Variants in CDH12 observed in about 807,000 individuals in gnomAD.
CDH12 encodes cadherin 12.
Under a neutral mutation model 74.1 loss-of-function variants are expected in CDH12, and 41 were observed. The ratio of observed to expected loss-of-function variants is 0.55; its 90% CI spans 0.43 to 0.72. CDH12 has a LOEUF of 0.72. Ranked by LOEUF, CDH12 falls within the 30% of genes least tolerant of loss-of-function variation. The probability of loss-of-function intolerance (pLI) is 0.00; values close to 1 mark genes in which losing one functional copy is unlikely to be tolerated. For synonymous variants in CDH12, 399 were observed against 355.0 expected (o/e 1.12, Z -1.39); for missense variants, 945 against 977.2 (o/e 0.97, Z 0.44).
chr5:22,726,012 G>C (rs567608225), intron 1 of CDH12, among the ~76,000 whole-genome samples: 1 of 151,788 alleles, frequency 6.6e-6, no homozygotes, highest in East Asian at 1.9e-4. Flanking sequence ...TTGCACCAGA[G>C]TGGCACATAC....
chr5:22,574,073 C>CTTTTTTT (rs543910610), intron 1 of CDH12, among the ~76,000 whole-genome samples: 121 of 87,452 alleles, frequency 1.4e-3, no homozygotes, highest in Non-Finnish European at 1.6e-3. Context: ...GTCTCTCTCT[C>CTTTTTTT]TTTTTTTTTT....
chr5:22,638,477 T>C (rs1225223513), intron 1 of CDH12, among the ~76,000 whole-genome samples: 1 of 151,914 alleles, frequency 6.6e-6, no homozygotes, highest in Non-Finnish European at 1.5e-5. Flanking sequence ...CCTTCCAAGT[T>C]CCCCCGCCTG....
At chr5:22,134,349 C>G (rs1427434200) in intron 4 of CDH12, among the ~76,000 whole-genome samples, 1 of 152,030 alleles carries the variant, frequency 6.6e-6, no homozygotes, top group Non-Finnish European at 1.5e-5. Context: ...ACTTCACTGG[C>G]AGGTCTCATT....
chr5:21,872,783 GATCTATCT>G (rs60717134), intron 6 of CDH12, among the ~76,000 whole-genome samples: 20,781 of 141,856 alleles, frequency 0.15, 1,699 homozygotes, highest in African/African-American at 0.21. Flanking sequence ...TTAAGAGTAA[GATCTATCT>G]ATCTATCTAT....
At chr5:22,135,011 C>T (rs1422365949) in intron 4 of CDH12, among the ~76,000 whole-genome samples, 2 of 151,922 alleles carry the variant, frequency 1.3e-5, no homozygotes, top group Admixed American at 6.6e-5. Flanking sequence ...TCATAAATTG[C>T]TCAATTGAGG....
At chr5:22,764,171 T>C (rs1463373062) in intron 1 of CDH12, among the ~76,000 whole-genome samples, 2 of 151,904 alleles carry the variant, frequency 1.3e-5, no homozygotes, top group African/African-American at 4.8e-5. Flanking sequence ...GATTCTTTAA[T>C]TGTTTTGATT....
intron 5 of CDH12, among the ~76,000 whole-genome samples, chr5:22,030,061 A>C: frequency 6.7e-6 from 1 of 148,590 alleles, no homozygotes; most frequent in Non-Finnish European, 1.5e-5. Context: ...GGAACTGAAC[A>C]ATGAGAACAC....
Position 22,041,702 on chromosome 5 carries a change from A to G in CDH12, c.231+36744T>C, listed in dbSNP as rs149035250. Among the ~76,000 whole-genome samples, 6 of 152,272 alleles carry G rather than the reference A, an allele frequency of 3.9e-5. No individual in the cohort carries two copies. In the East Asian group the frequency reaches 1.2e-3, roughly 29 times the overall value. On this transcript the variant is annotated intron_variant, in intron 5 of 14. Transcript: ENST00000382254. ...GGGAATAAAGGGAGAAATAGACAAC[A>G]ATAATATTAAAGGCCTTCAATACTC...
At chr5:22,851,130 C>T (rs1183240439) in intron 1 of CDH12, among the ~76,000 whole-genome samples, 2 of 152,070 alleles carry the variant, frequency 1.3e-5, no homozygotes, top group Non-Finnish European at 2.9e-5. Context: ...AAACTAAACA[C>T]TGTTTGTACT....
chr5:22,739,079 C>T (rs746878850), intron 1 of CDH12, among the ~76,000 whole-genome samples: 4 of 151,694 alleles, frequency 2.6e-5, no homozygotes, highest in Admixed American at 6.6e-5. Context: ...AAGAAAATCA[C>T]GATTAAAACT....
At chr5:22,204,158 G>GTT (rs1554020483) in intron 4 of CDH12, among the ~76,000 whole-genome samples, 1 of 32,742 alleles carries the variant, frequency 3.1e-5, no homozygotes, top group Non-Finnish European at 6.4e-5. Flanking sequence ...GTTTTGTTTT[G>GTT]TTTGTTTTTT....
intron 5 of CDH12, among the ~76,000 whole-genome samples, chr5:22,063,021 A>G (rs1741300669): frequency 6.6e-6 from 1 of 152,184 alleles, no homozygotes; most frequent in African/African-American, 2.4e-5. Flanking sequence ...ATGTTGAGCC[A>G]TGAAAACTAT....
At chr5:22,737,364 T>C (rs1744783357) in intron 1 of CDH12, among the ~76,000 whole-genome samples, 1 of 151,992 alleles carries the variant, frequency 6.6e-6, no homozygotes, top group Non-Finnish European at 1.5e-5. Context: ...AAAAAACTTC[T>C]ACTTTGGAGA....
chr5:22,711,597 C>CTATGTT (rs1377316712), intron 1 of CDH12, among the ~76,000 whole-genome samples: 1 of 152,008 alleles, frequency 6.6e-6, no homozygotes, highest in Non-Finnish European at 1.5e-5. Context: ...TAATATGGCA[C>CTATGTT]TATGTTTAGA....
intron 1 of CDH12, among the ~76,000 whole-genome samples, chr5:22,832,214 T>C (rs1467746006): frequency 6.6e-6 from 1 of 152,220 alleles, no homozygotes; most frequent in East Asian, 1.9e-4. Context: ...GGCACCTTCA[T>C]ATACAGAATG....
intron 12 of CDH12, among the ~76,000 whole-genome samples, chr5:21,762,787 A>G (rs917253666): frequency 2.6e-5 from 4 of 152,074 alleles, no homozygotes; most frequent in African/African-American, 9.7e-5. Context: ...TCTATTCCCA[A>G]AGGCTTCCAT....
At chr5:22,170,203 C>T (rs1748938456) in intron 4 of CDH12, among the ~76,000 whole-genome samples, 4 of 151,806 alleles carry the variant, frequency 2.6e-5, no homozygotes, top group Admixed American at 2.0e-4. Flanking sequence ...AGACCTGCTT[C>T]TCTTGAATAT....
At chr5:22,439,008 T>C (rs1430964957) in intron 2 of CDH12, among the ~76,000 whole-genome samples, 2 of 151,888 alleles carry the variant, frequency 1.3e-5, no homozygotes, top group Non-Finnish European at 2.9e-5. Context: ...GATAGGAAGA[T>C]TTAATTAAGG....
At chr5:21,979,691 G>A (rs368077190) in intron 5 of CDH12, among the ~76,000 whole-genome samples, 8 of 152,014 alleles carry the variant, frequency 5.3e-5, no homozygotes, top group African/African-American at 1.7e-4. Context: ...GCCAGCCTGG[G>A]GTATGTTGGG....
Sources: gnomAD v4.1 joint callset for allele counts (sites outside exome capture counted in the v4.1 genomes callset) on GRCh38, gnomAD v4.1.1 for gene constraint, MANE v1.5 for transcripts, NCBI Gene and HGNC (gene_info 2026-07-23, HGNC 2026-07-21) for gene names.